CNTNAP5: variants seen among roughly 807,000 people sequenced by gnomAD.
CNTNAP5 encodes the protein contactin-associated protein-like 5.
In CNTNAP5, 72 loss-of-function variants were observed where a neutral mutation model predicts 150.2. That is an observed-to-expected ratio of 0.48 (90% CI 0.40 to 0.58). CNTNAP5 has a LOEUF of 0.58. Among genes scored for constraint, CNTNAP5 ranks in the 20% least tolerant of loss-of-function variants. The probability of loss-of-function intolerance (pLI) is 0.00; values close to 1 mark genes in which losing one functional copy is unlikely to be tolerated. For synonymous variants in CNTNAP5, 672 were observed against 619.8 expected (o/e 1.08, Z -1.25); for missense variants, 1,636 against 1,626.2 (o/e 1.01, Z -0.10).
intron 3 of CNTNAP5, among the ~76,000 whole-genome samples, chr2:124,413,903 T>A (rs201752234): frequency 4.0e-5 from 6 of 149,168 alleles, no homozygotes; most frequent in African/African-American, 1.5e-4. Flanking sequence ...ATAAATAAAT[T>A]AAAAAAAAAG....
intron 23 of CNTNAP5, among the ~76,000 whole-genome samples, chr2:124,912,023 A>C (rs1356028523): frequency 6.6e-6 from 1 of 152,018 alleles, no homozygotes; most frequent in African/African-American, 2.4e-5. Flanking sequence ...CACTGCACAT[A>C]TGGTTACAGA....
At chr2:124,148,924 A>ATG (rs1209337445) in intron 1 of CNTNAP5, among the ~76,000 whole-genome samples, 1 of 152,082 alleles carries the variant, frequency 6.6e-6, no homozygotes, top group East Asian at 1.9e-4. Flanking sequence ...ACACACATAT[A>ATG]TGTATGTATA....
intron 12 of CNTNAP5, among the ~76,000 whole-genome samples, chr2:124,626,199 G>A (rs552252771): frequency 6.6e-6 from 1 of 152,174 alleles, no homozygotes; most frequent in Admixed American, 6.5e-5. Context: ...CTAGGCTTGG[G>A]TTTGACCTTG....
chr2:124,762,865 C>T lies in CNTNAP5; in HGVS notation c.2235-807C>T, dbSNP rs1680987150. ...CTCATTTGAAATGGGCATAATGACA[C>T]CTACAGCATAGGAATTTTTTTGGGG... is the stretch of plus-strand genomic sequence containing the variant. On this transcript the variant is annotated intron_variant, in intron 14 of 23. Coordinates refer to ENST00000682447, the MANE Select transcript of CNTNAP5 (RefSeq NM_001367498.1). Among the ~76,000 whole-genome samples, 3 of 152,104 alleles carry T rather than the reference C, an allele frequency of 2.0e-5. No individual in the cohort carries two copies. The South Asian group carries it at 6.2e-4, about 32-fold the overall frequency.
intron 13 of CNTNAP5, among the ~76,000 whole-genome samples, chr2:124,657,946 C>T (rs1678493827): frequency 6.6e-6 from 1 of 152,214 alleles, no homozygotes; most frequent in African/African-American, 2.4e-5. Context: ...TATCAGATAC[C>T]TTCTTCTTGC....
chr2:124,153,481 T>A, intron 1 of CNTNAP5, among the ~76,000 whole-genome samples: 1 of 152,020 alleles, frequency 6.6e-6, no homozygotes. Flanking sequence ...GGAGGATGGA[T>A]GTCCAATATC....
At chr2:124,072,607 A>G (rs1682333072) in intron 1 of CNTNAP5, among the ~76,000 whole-genome samples, 1 of 152,010 alleles carries the variant, frequency 6.6e-6, no homozygotes, top group South Asian at 2.1e-4. Flanking sequence ...AAAGAAATAA[A>G]ATAATCTCAT....
rs755483567 is a variant in CNTNAP5 at position 124,918,787 on chromosome 2, G to A, written c.*4499G>A. 2.6e-5 allele frequency among the ~76,000 whole-genome samples: 4 copies of A among 152,010 alleles called. No homozygotes were observed. Among genetic ancestry groups the A allele is most frequent in the African/African-American group, 4.8e-5 (2 of 41,420 alleles). ...TCAATTATCCTACAGGTCATGTATC[G>A]ACTAAATAAATAAACTGACTTCATT... On this transcript the variant is annotated 3_prime_UTR_variant, in exon 24 of 24. Transcript: ENST00000682447.
In CNTNAP5 at chr2:124,413,399, A is replaced by C. The variant is rs1393474943; in HGVS notation, c.382-4044A>C. On this transcript the variant is annotated intron_variant, in intron 3 of 23. Coordinates refer to ENST00000682447, the MANE Select transcript of CNTNAP5 (RefSeq NM_001367498.1). ...TTACTGGGTATATACCCAAAGGACTATAAATCATGCTGCTATAAAGACACA... is the reference window on the plus strand; with the variant it reads ...TTACTGGGTATATACCCAAAGGACTCTAAATCATGCTGCTATAAAGACACA... 5.0e-3 allele frequency among the ~76,000 whole-genome samples: 726 copies of C among 145,922 alleles called. 12 individuals carry two copies. The highest frequency in any genetic ancestry group is 6.2e-3 in the Non-Finnish European group (406 of 65,686).
intron 7 of CNTNAP5, among the ~76,000 whole-genome samples, chr2:124,490,444 G>C (rs1558924904): frequency 1.3e-5 from 2 of 151,694 alleles, no homozygotes; most frequent in African/African-American, 4.8e-5. Context: ...GAAAGGGAAA[G>C]AGAAAGAAAG....
chr2:124,431,365 T>G (rs1309022827), intron 4 of CNTNAP5, among the ~76,000 whole-genome samples: 1 of 151,834 alleles, frequency 6.6e-6, no homozygotes, highest in Non-Finnish European at 1.5e-5. Flanking sequence ...AACTCAGGCC[T>G]GCATGAGGGG....
intron 13 of CNTNAP5, among the ~76,000 whole-genome samples, chr2:124,670,809 TTC>T (rs1474262052): frequency 6.6e-6 from 1 of 152,210 alleles, no homozygotes; most frequent in African/African-American, 2.4e-5. Context: ...CAAGCTTTAT[TTC>T]TGTTCACTCT....
At chr2:124,051,945 C>A (rs1046011838) in intron 1 of CNTNAP5, among the ~76,000 whole-genome samples, 2 of 152,166 alleles carry the variant, frequency 1.3e-5, no homozygotes, top group African/African-American at 4.8e-5. Context: ...CTCCATCCAG[C>A]ACAGACTAAT....
At chr2:124,813,134 T>A (rs1370733182) in intron 19 of CNTNAP5, among the ~76,000 whole-genome samples, 2 of 152,018 alleles carry the variant, frequency 1.3e-5, no homozygotes, top group East Asian at 1.9e-4. Context: ...TGGAGTGCAG[T>A]GGTGTGATCT....
At chr2:124,757,948 G>A (rs1457656238) in intron 14 of CNTNAP5, among the ~76,000 whole-genome samples, 1 of 152,206 alleles carries the variant, frequency 6.6e-6, no homozygotes, top group Non-Finnish European at 1.5e-5. Flanking sequence ...GTGAGAGGTA[G>A]AGACCTCTTA....
chr2:124,591,439 A>G (rs1157695975), intron 11 of CNTNAP5, among the ~76,000 whole-genome samples: 1 of 152,164 alleles, frequency 6.6e-6, no homozygotes, highest in Admixed American at 6.5e-5. Flanking sequence ...AACCTTTACC[A>G]AAGGTTAAAC....
chr2:124,783,342 C>G lies in CNTNAP5; in HGVS notation c.2753-6560C>G, dbSNP rs1681493709. 4.6e-5 allele frequency among the ~76,000 whole-genome samples: 7 copies of G among 152,098 alleles called. No homozygotes were observed. In the South Asian group the frequency reaches 1.5e-3, roughly 32 times the overall value. On this transcript the variant is annotated intron_variant, in intron 17 of 23. Transcript: ENST00000682447. ...GTTTTAATGGTTTTATAAGTAGTTCCCCATATAGAATTACCATGACTTATT... is the reference window on the plus strand; with the variant it reads ...GTTTTAATGGTTTTATAAGTAGTTCGCCATATAGAATTACCATGACTTATT...
At chr2:124,221,619 TA>T (rs919971856) in intron 1 of CNTNAP5, 85 bp from the exon 2 acceptor site, 2 of 857,452 alleles carry the variant, frequency 2.3e-6, no homozygotes, top group Non-Finnish European at 3.8e-6. Context: ...TAAATGATGG[TA>T]GTTAATTTCT....
intron 3 of CNTNAP5, among the ~76,000 whole-genome samples, chr2:124,356,988 T>C (rs1690029202): frequency 1.3e-5 from 2 of 152,150 alleles, no homozygotes; most frequent in Non-Finnish European, 1.5e-5. Flanking sequence ...GACTTTTTAA[T>C]GATTGCCATT....
Sources: allele counts gnomAD v4.1 joint callset (sites outside exome capture counted in the v4.1 genomes callset), GRCh38; gene constraint gnomAD v4.1.1; transcripts MANE v1.5; gene names NCBI Gene and HGNC (gene_info 2026-07-23, HGNC 2026-07-21).